TRHDE: variants seen among roughly 807,000 people sequenced by gnomAD.
TRHDE encodes the protein thyrotropin releasing hormone degrading enzyme, also known as thyrotropin-releasing hormone-degrading ectoenzyme.
A neutral mutation model predicts 125.7 loss-of-function variants in TRHDE; 72 were observed. The observed-to-expected ratio is 0.57, with a 90% CI of 0.47 to 0.70. The LOEUF is 0.70. Among genes scored for constraint, TRHDE ranks in the 30% least tolerant of loss-of-function variants. The pLI is 0.00. For missense variants in TRHDE, 1,110 were observed against 1,327.1 expected (o/e 0.84, Z 2.54); for synonymous variants, 509 against 509.1 (o/e 1.00, Z 0.00).
chr12:72,192,116 CTT>C (rs139836047), intron 2 of TRHDE, among the ~76,000 whole-genome samples: 4,516 of 152,112 alleles, frequency 0.03, 140 homozygotes, highest in Non-Finnish European at 0.04. Context: ...TTATAAATGA[CTT>C]TTGTAAAACT....
chr12:72,612,600 T>C (rs1872672157), intron 12 of TRHDE, among the ~76,000 whole-genome samples: 1 of 152,170 alleles, frequency 6.6e-6, no homozygotes, highest in Non-Finnish European at 1.5e-5. Flanking sequence ...CTCAAAATAA[T>C]GGGCATAATA....
intron 3 of TRHDE, among the ~76,000 whole-genome samples, chr12:72,384,823 T>C (rs1187052004): frequency 2.6e-5 from 4 of 152,102 alleles, no homozygotes; most frequent in Non-Finnish European, 5.9e-5. Context: ...GTGATGATGA[T>C]GATAATTTAC....
intron 2 of TRHDE, among the ~76,000 whole-genome samples, chr12:72,200,071 C>T (rs116492608): frequency 3.7e-3 from 567 of 152,230 alleles, no homozygotes; most frequent in African/African-American, 0.011. Flanking sequence ...TTACAGAGTT[C>T]TAAGATATTC....
At chr12:72,439,114 A>G (rs1053373306) in intron 3 of TRHDE, among the ~76,000 whole-genome samples, 4 of 151,678 alleles carry the variant, frequency 2.6e-5, no homozygotes, top group African/African-American at 7.3e-5. Flanking sequence ...CTCTGGATGC[A>G]TGCATTTATT....
intron 12 of TRHDE, among the ~76,000 whole-genome samples, chr12:72,607,714 A>G (rs1373221269): frequency 6.6e-6 from 1 of 152,126 alleles, no homozygotes; most frequent in East Asian, 1.9e-4. Context: ...ATGACACTCA[A>G]AAATGGTCTA....
intron 6 of TRHDE, among the ~76,000 whole-genome samples, chr12:72,529,424 C>G (rs541241803): frequency 2.6e-5 from 4 of 152,060 alleles, no homozygotes; most frequent in Non-Finnish European, 5.9e-5. Flanking sequence ...TTCTTAACCC[C>G]CTGTCCCTCC....
At chr12:72,216,483 A>G (rs1877894422) in intron 2 of TRHDE, among the ~76,000 whole-genome samples, 1 of 152,192 alleles carries the variant, frequency 6.6e-6, no homozygotes, top group African/African-American at 2.4e-5. Flanking sequence ...CAGTGCCTTC[A>G]TTAGGGGCCT....
chr12:72,483,973 T>A (rs528703654), intron 5 of TRHDE, among the ~76,000 whole-genome samples: 1 of 152,206 alleles, frequency 6.6e-6, no homozygotes, highest in East Asian at 1.9e-4. Flanking sequence ...TTTTATAAAT[T>A]AAAATAACAT....
rs1565829240 is a variant in TRHDE, at chr12:72,669,141, TAA to T, written c.*5947_*5948del. The T allele has an allele frequency of 6.6e-6, 1 of 151,336 alleles. No homozygotes were observed. The highest frequency in any genetic ancestry group is 1.5e-5 in the Non-Finnish European group (1 of 67,696). 9.4% of individuals were successfully genotyped at this position (151,336 alleles called of 1,614,324 possible). On this transcript the variant is annotated 3_prime_UTR_variant, in exon 19 of 19. Transcript: ENST00000261180. ...GAGACACACACACACATGAAAAAAA[TAA>T]GTGAAAAGACAGAATAAATTGCAAA...
intron 2 of TRHDE, among the ~76,000 whole-genome samples, chr12:72,357,195 A>T (rs992746726): frequency 6.6e-6 from 1 of 151,578 alleles, no homozygotes; most frequent in Non-Finnish European, 1.5e-5. Flanking sequence ...TTTAAAATTC[A>T]TTTGGAACCA....
intron 12 of TRHDE, among the ~76,000 whole-genome samples, chr12:72,615,005 G>A (rs1565810851): frequency 6.6e-6 from 1 of 151,864 alleles, no homozygotes. Flanking sequence ...GAAGGAGGAG[G>A]GAAGGGAGGG....
intron 2 of TRHDE, among the ~76,000 whole-genome samples, chr12:72,205,884 G>T (rs1448728325): frequency 6.6e-6 from 1 of 152,080 alleles, no homozygotes; most frequent in Non-Finnish European, 1.5e-5. Flanking sequence ...GGGATTATTG[G>T]ATTTTATGGT....
At chr12:72,510,979 C>T (rs1163563222) in intron 6 of TRHDE, among the ~76,000 whole-genome samples, 2 of 152,128 alleles carry the variant, frequency 1.3e-5, no homozygotes, top group Non-Finnish European at 2.9e-5. Context: ...GAAGGCTGCT[C>T]ACCATTTCTC....
intron 2 of TRHDE, among the ~76,000 whole-genome samples, chr12:72,238,315 T>C (rs181469068): frequency 0.094 from 3,008 of 31,988 alleles, 513 homozygotes; most frequent in African/African-American, 0.27. Context: ...TATATATATA[T>C]ATATATACAT....
chr12:72,343,975 A>C (rs575345917), intron 2 of TRHDE, among the ~76,000 whole-genome samples: 1 of 151,106 alleles, frequency 6.6e-6, no homozygotes, highest in East Asian at 2.0e-4. Context: ...CTTTATCTAT[A>C]TTTATTACAT....
intron 5 of TRHDE, among the ~76,000 whole-genome samples, chr12:72,491,489 A>AT (rs752770045): frequency 1.8e-4 from 28 of 152,076 alleles, no homozygotes; most frequent in Non-Finnish European, 2.9e-4. Context: ...GTTGTATATC[A>AT]TTAAGTTCAT....
intron 12 of TRHDE, among the ~76,000 whole-genome samples, chr12:72,587,512 A>T (rs1871490933): frequency 6.6e-6 from 1 of 152,154 alleles, no homozygotes; most frequent in African/African-American, 2.4e-5. Context: ...TAGATCTAAA[A>T]GTAGATGGAT....
chr12:72,178,468 C>G (rs761849344), intron 2 of TRHDE, among the ~76,000 whole-genome samples: 1 of 151,950 alleles, frequency 6.6e-6, no homozygotes, highest in African/African-American at 2.4e-5. Flanking sequence ...ATTTTATTTT[C>G]CTAAACTAAT....
intron 2 of TRHDE, among the ~76,000 whole-genome samples, chr12:72,115,259 T>C (rs1451565657): frequency 1.6e-5 from 2 of 122,226 alleles, no homozygotes; most frequent in Admixed American, 2.1e-4. Flanking sequence ...TCTATCTCCA[T>C]GAGTTCAATT....
Sources: gnomAD v4.1 joint callset for allele counts (sites outside exome capture counted in the v4.1 genomes callset) on GRCh38, gnomAD v4.1.1 for gene constraint, MANE v1.5 for transcripts, NCBI Gene and HGNC (gene_info 2026-07-23, HGNC 2026-07-21) for gene names.